KLC4: variants seen among roughly 807,000 people sequenced by gnomAD.
KLC4 encodes kinesin-like protein 8.
A neutral mutation model predicts 77.2 loss-of-function variants in KLC4; 49 were observed. The ratio of observed to expected loss-of-function variants is 0.63; its 90% CI spans 0.50 to 0.80. The LOEUF (loss-of-function observed/expected upper bound fraction) is 0.80, where lower values mean the gene tolerates loss of function less well. Ranked by LOEUF, KLC4 falls within the 30% of genes least tolerant of loss-of-function variation. KLC4 has a pLI of 0.00. For synonymous variants in KLC4, 274 were observed against 314.5 expected, an observed-to-expected ratio of 0.87 and a Z score of 1.36; for missense variants, 669 against 793.5, an observed-to-expected ratio of 0.84 and a Z score of 1.89.
At chr6:43,074,521 G>A in intron 15 of KLC4, 101 bp from the exon 16 acceptor site, 1 of 1,008,580 alleles carries the variant, frequency 9.9e-7, no homozygotes, top group Non-Finnish European at 1.6e-6. Context: ...TGTGATCCTA[G>A]GTCCAGAGAT....
intron 1 of KLC4, among the ~76,000 whole-genome samples, chr6:43,060,812 G>A (rs1765107854): frequency 6.6e-6 from 1 of 152,170 alleles, no homozygotes; most frequent in African/African-American, 2.4e-5. Flanking sequence ...ATCCTGCAAG[G>A]AAGGCTCTTG....
Position 43,061,553 on chromosome 6 carries a change from G to A in KLC4, c.218G>A (p.Arg73His), listed in dbSNP as rs754500194. ...CATGAGAAGGCCCGGCAGCTTCGCC[G>A]TTCTATGGAAAACATTGAGCTCGGG... The part of the protein sequence containing the change: ...LVHEKARQLR[R>H]SMENIELGLS... Residue 73 changes from arginine to histidine, a missense_variant, in exon 2 of 16, where the codon CGT (arginine) becomes CAT (histidine). Transcript: ENST00000347162. 21 of 1,613,490 alleles carry A rather than the reference G, an allele frequency of 1.3e-5. No homozygotes were observed. Among genetic ancestry groups the A allele is most frequent in the South Asian group, 3.3e-5 (3 of 91,056 alleles).
chr6:43,073,586 G>T lies in KLC4; in HGVS notation c.1745+248G>T, dbSNP rs1255702119. ...TGCTGGAACCCAGGAGGCAGAGGTT[G>T]CAGGGAGCCAAGATCATGCCATTGC... is the stretch of plus-strand genomic sequence containing the variant. On this transcript the variant is annotated intron_variant, in intron 14 of 15. Coordinates refer to ENST00000347162, the MANE Select transcript of KLC4 (RefSeq NM_201521.3). The T allele has an allele frequency of 3.0e-5, 16 of 531,282 alleles. No homozygotes were observed. In the African/African-American group the frequency reaches 3.1e-4, roughly 10 times the overall value. The allele number at this position is 531,282 out of a possible 1,614,324, so 32.9% of individuals were successfully genotyped here.
rs201076081 is a variant in KLC4, at chr6:43,071,278, T to C, written c.1159T>C (p.Ser387Pro). 1 of 1,610,224 alleles carries C rather than the reference T, an allele frequency of 6.2e-7. No homozygotes were observed. The change falls in exon 9 of 16, where the codon TCC becomes CCC. Residue 387 changes from serine (S) to proline (P), a missense_variant. Physicochemically the swap from Ser to Pro is moderately conservative, Grantham distance 74. Coordinates refer to ENST00000347162, the MANE Select transcript of KLC4 (RefSeq NM_201521.3). ...TTTTTGCCTTTCTGTCCTCCAGGCT[T>C]CCTGTTACCTGAAACAGGGCAAATA... ...NVARTKNNLASCYLKQGKYAE... is the reference protein window; with the variant it reads ...NVARTKNNLAPCYLKQGKYAE...
chr6:43,066,180 G>A, intron 4 of KLC4, 126 bp from the exon 5 acceptor site: 1 of 767,346 alleles, frequency 1.3e-6, no homozygotes, highest in Non-Finnish European at 2.3e-6. Flanking sequence ...ACTTGAGGCA[G>A]GTCTAATATT....
chr6:43,065,264 G>A (rs1292799394), intron 3 of KLC4: 1 of 175,682 alleles, frequency 5.7e-6, no homozygotes, highest in Non-Finnish European at 1.2e-5. Flanking sequence ...AGTAGAGATG[G>A]GGTTTCTCCA....
Position 43,071,307 on chromosome 6 carries a change from T to C in KLC4, c.1188T>C (p.Ala396=), listed in dbSNP as rs1040232294. The change falls in exon 9 of 16, where the codon GCT becomes GCC. Residue 396 remains alanine (A), a synonymous_variant. Transcript: ENST00000347162. The part of the protein sequence containing the change: ...ASCYLKQGKY[A]EAETLYKEIL... ...GTTACCTGAAACAGGGCAAATATGC[T>C]GAGGCTGAGACACTATACAAAGAGA... is the stretch of plus-strand genomic sequence containing the variant. 2.5e-6 allele frequency: 4 copies of C among 1,613,884 alleles called. No homozygotes were observed. Among genetic ancestry groups the C allele is most frequent in the African/African-American group, 2.7e-5 (2 of 74,872 alleles).
In KLC4 at chr6:43,061,365, T is replaced by C; in HGVS notation, c.30T>C (p.Asp10=). The change falls in exon 2 of 16, where the codon GAT becomes GAC. Residue 10 remains aspartate, a synonymous_variant. Coordinates refer to ENST00000347162, the MANE Select transcript of KLC4 (RefSeq NM_201521.3). The part of the protein sequence containing the change: MSGLVLGQR[D]EPAGHRLSQE... Reference sequence around the variant, plus strand: ...CAGGCCTGGTGTTGGGGCAGCGGGATGAGCCTGCAGGCCACCGGCTCAGCC... The same window carrying C: ...CAGGCCTGGTGTTGGGGCAGCGGGACGAGCCTGCAGGCCACCGGCTCAGCC... 6.2e-7 allele frequency: 1 copy of C among 1,613,734 alleles called. No homozygotes were observed. The highest frequency in any genetic ancestry group is 8.5e-7 in the Non-Finnish European group (1 of 1,180,040).
Position 43,071,360 on chromosome 6 carries a change from T to C in KLC4, c.1241T>C (p.Phe414Ser), listed in dbSNP as rs1765714650. 2 of 1,612,880 alleles carry C rather than the reference T, an allele frequency of 1.2e-6. No individual in the cohort carries two copies. Among genetic ancestry groups the C allele is most frequent in the African/African-American group, 1.3e-5 (1 of 74,964 alleles). ...EILTRAHVQE[F>S]GSVDDDHKPI... The stretch of plus-strand genomic sequence containing the variant: ...CTGACCCGTGCCCATGTACAGGAGT[T>C]TGGGTCTGTGGATGGTGAGTGGTGA... Residue 414 changes from phenylalanine (F) to serine (S), a missense_variant, in exon 9 of 16, where the codon TTT becomes TCT. Physicochemically the swap from Phe to Ser is radical, Grantham distance 155 (BLOSUM62 -2). Transcript: ENST00000347162.
At chr6:43,062,843 C>T (rs1483400570) in intron 2 of KLC4, 74 bp from the exon 3 acceptor site, 1 of 1,288,994 alleles carries the variant, frequency 7.8e-7, no homozygotes, top group Non-Finnish European at 1.1e-6. Flanking sequence ...TGCCACGTCC[C>T]AGTAGGCTCC....
chr6:43,071,944 A>C, intron 11 of KLC4, 22 bp downstream of exon 11: 1 of 1,600,946 alleles, frequency 6.2e-7, no homozygotes, highest in Non-Finnish European at 8.5e-7. Flanking sequence ...GTGAAAAGCC[A>C]GCTTGGCCTC....
chr6:43,068,134 A>AG (rs1350939573), intron 6 of KLC4, among the ~76,000 whole-genome samples: 1 of 147,296 alleles, frequency 6.8e-6, no homozygotes, highest in Non-Finnish European at 1.5e-5. Context: ...AAAAAAAAAA[A>AG]AAAAAGAAAA....
At position 43,066,983 on chromosome 6, in the gene KLC4, T is replaced by G; in HGVS notation, c.792-13T>G. 6.2e-7 allele frequency: 1 copy of G among 1,607,318 alleles called. No homozygotes were observed. Among genetic ancestry groups the G allele is most frequent in the South Asian group, 1.1e-5 (1 of 90,848 alleles). ...GGTTCAGGGTAACTCCTGTCACTTTTGTCTTCTTCCAGTGACCAGAATAAG... is the reference window on the plus strand; with the variant it reads ...GGTTCAGGGTAACTCCTGTCACTTTGGTCTTCTTCCAGTGACCAGAATAAG... On this transcript the variant is annotated splice_polypyrimidine_tract_variant and intron_variant, in intron 5 of 15. Coordinates refer to ENST00000347162, the MANE Select transcript of KLC4 (RefSeq NM_201521.3).
intron 1 of KLC4, chr6:43,060,449 A>C (rs1038373965): frequency 7.0e-7 from 1 of 1,426,596 alleles, no homozygotes; most frequent in Admixed American, 2.3e-5. Flanking sequence ...GCTCTGGGCC[A>C]GGTCCTCTGG....
Position 43,067,023 on chromosome 6 carries a change from C to T in KLC4, c.819C>T (p.Ala273=). 1 of 1,613,830 alleles carries T rather than the reference C, an allele frequency of 6.2e-7. No individual in the cohort carries two copies. The highest frequency in any genetic ancestry group is 8.5e-7 in the Non-Finnish European group (1 of 1,179,828). Residue 273 remains alanine, a synonymous_variant, in exon 6 of 16, where the codon GCC becomes GCT. Coordinates refer to ENST00000347162, the MANE Select transcript of KLC4 (RefSeq NM_201521.3). ...YRDQNKYKEA[A]HLLNDALSIR... ...ACCAGAATAAGTATAAGGAAGCTGC[C>T]CACCTGCTGAATGATGCCCTTAGCA...
intron 15 of KLC4, 65 bp from the exon 16 acceptor site, chr6:43,074,557 C>G: frequency 7.4e-7 from 1 of 1,350,654 alleles, no homozygotes; most frequent in Non-Finnish European, 1.1e-6. Context: ...GATGGATGGA[C>G]TCTAGGAGCC....
chr6:43,073,241 CA>C lies in KLC4; in HGVS notation c.1649del (p.Gln550ArgfsTer21). 6.2e-7 allele frequency: 1 copy of C among 1,613,988 alleles called. No individual in the cohort carries two copies. The highest frequency in any genetic ancestry group is 8.5e-7 in the Non-Finnish European group (1 of 1,179,872). ...EWSGDGSGTLQRSGSLGKIRD... is the reference protein window; with the variant it reads ...EWSGDGSGTLXRSGSLGKIRD... Reference sequence around the variant, plus strand: ...CTGCCAGGATGGCAGTGGGACCCTGCAGAGGAGTGGCTCTCTTGGCAAGATC... The same window carrying C: ...CTGCCAGGATGGCAGTGGGACCCTGCGAGGAGTGGCTCTCTTGGCAAGATC... On this transcript the variant is annotated frameshift_variant, in exon 14 of 16. Transcript: ENST00000347162. LOFTEE classifies it high-confidence loss of function.
At chr6:43,065,768 C>A in intron 4 of KLC4, 67 bp downstream of exon 4, 2 of 1,061,118 alleles carry the variant, frequency 1.9e-6, no homozygotes, top group Non-Finnish European at 2.9e-6. Context: ...CTGTGGCCCA[C>A]CCTGTACACA....
intron 6 of KLC4, among the ~76,000 whole-genome samples, chr6:43,070,021 T>G (rs1163762735): frequency 6.6e-6 from 1 of 150,880 alleles, no homozygotes. Context: ...TTGGCAGAGC[T>G]GTCCCACACA....
Sources: gnomAD v4.1 joint callset for allele counts (sites outside exome capture counted in the v4.1 genomes callset) on GRCh38, gnomAD v4.1.1 for gene constraint, MANE v1.5 for transcripts, NCBI Gene and HGNC (gene_info 2026-07-23, HGNC 2026-07-21) for gene names.